The following COL18A1 variants were observed in gnomAD, a reference collection of about 807,000 sequenced individuals.
The protein encoded by COL18A1 is collagen type XVIII alpha 1 chain, also known as collagen alpha-1(XVIII) chain.
COL18A1 carries 133 observed loss-of-function variants against 168.0 expected under a neutral mutation model. The ratio of observed to expected loss-of-function variants is 0.79; its 90% confidence interval spans 0.69 to 0.91. COL18A1 has a LOEUF of 0.91. COL18A1 is among the 40% of genes least tolerant of loss of function. The probability of loss-of-function intolerance (pLI) is 0.00; values close to 1 mark genes in which losing one functional copy is unlikely to be tolerated. For synonymous variants in COL18A1, 949 were observed against 809.0 expected (o/e 1.17, Z -2.94); for missense variants, 2,126 against 1,925.4 (o/e 1.10, Z -1.95).
chr21:45,472,231 G>A (rs118169018), intron 3 of COL18A1, among the ~76,000 whole-genome samples: 1 of 143,460 alleles, frequency 7.0e-6, no homozygotes, highest in African/African-American at 2.5e-5. Flanking sequence ...TTTTTTTTTT[G>A]TTTTTTTTTT....
At chr21:45,427,755 C>T (rs920716148) in intron 2 of COL18A1, among the ~76,000 whole-genome samples, 2 of 152,172 alleles carry the variant, frequency 1.3e-5, no homozygotes, top group African/African-American at 2.4e-5. Context: ...TCATGCTGGT[C>T]GCCATCACGT....
rs1055003327 is a variant in COL18A1, at chr21:45,463,636, G to A, written c.107-4606G>A. Among the ~76,000 whole-genome samples, 2 of 152,152 alleles carry A rather than the reference G, an allele frequency of 1.3e-5. No individual in the cohort carries two copies. Among genetic ancestry groups the A allele is most frequent in the Admixed American group, 6.5e-5 (1 of 15,280 alleles). On this transcript the variant is annotated intron_variant, in intron 2 of 41. Transcript: ENST00000651438. This position sits in a 1 kb window ranked among gnomAD's most constrained non-coding sequence, Gnocchi z 4.0. The stretch of plus-strand genomic sequence containing the variant: ...GTCTTGGCCAGGCATGGTGGCTCAC[G>A]TCTGTAATCCCAGCACTTTGGGATG...
At chr21:45,429,147 C>A (rs573745178) in intron 2 of COL18A1, among the ~76,000 whole-genome samples, 2 of 152,148 alleles carry the variant, frequency 1.3e-5, no homozygotes, top group Non-Finnish European at 2.9e-5. Flanking sequence ...GTGATCTGCC[C>A]GCCTCGGCCT....
intron 3 of COL18A1, among the ~76,000 whole-genome samples, chr21:45,472,121 G>A (rs982155717): frequency 2.6e-4 from 40 of 152,308 alleles, no homozygotes; most frequent in African/African-American, 9.6e-4. Flanking sequence ...GTGCATGTCT[G>A]TGTGGGGATC....
At chr21:45,511,996 GTCTGGGAGATGCAGCCCCCT>G (rs1568956562) in intron 41 of COL18A1, among the ~76,000 whole-genome samples, 172 bp from the exon 42 acceptor site, 1 of 152,198 alleles carries the variant, frequency 6.6e-6, no homozygotes, top group African/African-American at 2.4e-5. Context: ...ATGGGGGGCA[GTCTGGGAGATGCAGCCCCCT>G]CCACAGGCAG....
chr21:45,430,911 G>A (rs770947145), intron 2 of COL18A1, among the ~76,000 whole-genome samples: 40 of 152,216 alleles, frequency 2.6e-4, no homozygotes, highest in African/African-American at 4.1e-4. Flanking sequence ...AACAGAACAC[G>A]TAGACCACCT....
intron 2 of COL18A1, among the ~76,000 whole-genome samples, chr21:45,441,763 G>C (rs1048719847): frequency 1.3e-5 from 2 of 152,240 alleles, no homozygotes; most frequent in African/African-American, 4.8e-5. Flanking sequence ...GTCCCCCTCA[G>C]ACGCCCACCT....
At chr21:45,468,150 T>C in intron 2 of COL18A1, 92 bp from the exon 3 acceptor site, 1 of 1,398,832 alleles carries the variant, frequency 7.1e-7, no homozygotes, top group Middle Eastern at 2.2e-4. Context: ...GTTTCTCCTT[T>C]CTGCCCCTGC....
intron 2 of COL18A1, among the ~76,000 whole-genome samples, chr21:45,450,973 T>C (rs2034608059): frequency 6.6e-6 from 1 of 152,174 alleles, no homozygotes. Context: ...GGTGGACGCT[T>C]AGGCTCCAGG....
At chr21:45,467,568 C>A (rs12329823) in intron 2 of COL18A1, 69,994 of 490,858 alleles carry the variant, frequency 0.14, 6,335 homozygotes, top group African/African-American at 0.31. Context: ...TGGGTGAAAT[C>A]CCGCACCGTG....
rs560694507 is a variant in COL18A1, at chr21:45,448,374, G to A, written c.107-19868G>A. ...TGCACCTCCACATGCGTACATATCC[G>A]CACACATCCGTGATGCATATCCATG... is the stretch of plus-strand genomic sequence containing the variant. On this transcript the variant is annotated intron_variant, in intron 2 of 41. Coordinates refer to ENST00000651438, the MANE Select transcript of COL18A1 (RefSeq NM_001379500.1). Among the ~76,000 whole-genome samples, 5 of 152,208 alleles carry A rather than the reference G, an allele frequency of 3.3e-5. No individual in the cohort carries two copies. The South Asian group carries it at 6.2e-4, about 19-fold the overall frequency.
At chr21:45,494,185 C>G in intron 26 of COL18A1, 1 of 464,956 alleles carries the variant, frequency 2.2e-6, no homozygotes, top group Non-Finnish European at 4.0e-6. Context: ...GCTCCACTAT[C>G]CCACCCAGCT....
rs1279282505 is a variant in COL18A1 at position 45,468,292 on chromosome 21, C to T, written c.157C>T (p.Pro53Ser). The change falls in exon 3 of 42, where the codon CCC (proline) becomes TCC (serine). Residue 53 changes from proline to serine, a missense_variant. Transcript: ENST00000651438. Reference protein sequence around the residue: ...GLLQLLGDPPPQQVTQTDDPD... With the variant: ...GLLQLLGDPPSQQVTQTDDPD... ...GCTGCAGCTCCTTGGGGACCCCCCG[C>T]CCCAGCAGGTCACCCAGACGGATGA... 6.2e-7 allele frequency: 1 copy of T among 1,613,272 alleles called. No individual in the cohort carries two copies. Among genetic ancestry groups the T allele is most frequent in the Admixed American group, 1.7e-5 (1 of 60,034 alleles).
chr21:45,484,037 A>C (rs1158867439), intron 15 of COL18A1, among the ~76,000 whole-genome samples: 1 of 132,356 alleles, frequency 7.6e-6, no homozygotes, highest in Non-Finnish European at 1.6e-5. Context: ...GCACACACAC[A>C]CCTCTCCAGC....
Position 45,512,622 on chromosome 21 carries a change from T to C in COL18A1, c.*224T>C. 1 of 595,318 alleles carries C rather than the reference T, an allele frequency of 1.7e-6. No individual in the cohort carries two copies. The highest frequency in any genetic ancestry group is 3.0e-6 in the Non-Finnish European group (1 of 335,778). 36.9% of individuals were successfully genotyped at this position (595,318 alleles called of 1,614,324 possible). ...GATGCTGACATTCACCTGCCCCAAC[T>C]CTCCCCTGACCTGTGAGCCCAGCTG... On this transcript the variant is annotated 3_prime_UTR_variant, in exon 42 of 42. Coordinates refer to ENST00000651438, the MANE Select transcript of COL18A1 (RefSeq NM_001379500.1).
chr21:45,421,033 G>A (rs115842218), intron 2 of COL18A1: 2,395 of 200,996 alleles, frequency 0.012, 60 homozygotes, highest in African/African-American at 0.052. Context: ...TGTCTGCTCC[G>A]AGCCAGGAGA....
At chr21:45,456,478 T>C (rs760993489) in intron 2 of COL18A1, 11 of 1,546,042 alleles carry the variant, frequency 7.1e-6, no homozygotes, top group Admixed American at 3.9e-5. Flanking sequence ...GGCCGGGTCT[T>C]GCTAATAACT....
At chr21:45,511,638 G>A (rs1393538033) in intron 41 of COL18A1, among the ~76,000 whole-genome samples, 1 of 152,104 alleles carries the variant, frequency 6.6e-6, no homozygotes, top group African/African-American at 2.4e-5. Flanking sequence ...GTATCTAGAA[G>A]AACGCTTCGT....
At chr21:45,476,921 T>TTGTGTGTG (rs56196443) in intron 6 of COL18A1, among the ~76,000 whole-genome samples, 2,986 of 146,912 alleles carry the variant, frequency 0.02, 106 homozygotes, top group African/African-American at 0.067. Flanking sequence ...ATTATGTGTT[T>TTGTGTGTG]TGTGTGTGTG....
Sources: allele counts gnomAD v4.1 joint callset (sites outside exome capture counted in the v4.1 genomes callset), GRCh38; gene constraint gnomAD v4.1.1; non-coding constraint Gnocchi (gnomAD v3.1); transcripts MANE v1.5; gene names NCBI Gene and HGNC (gene_info 2026-07-23, HGNC 2026-07-21).